The following NHSL1 variants were observed in gnomAD, a reference collection of about 807,000 sequenced individuals.
The protein encoded by NHSL1 is NHS-like protein 1.
NHSL1 carries 48 observed loss-of-function variants against 95.0 expected under a neutral mutation model. The observed-to-expected ratio is 0.51, with a 90% CI of 0.40 to 0.64. The LOEUF is 0.64. Among genes scored for constraint, NHSL1 ranks in the 30% least tolerant of loss-of-function variants. The pLI, the probability that NHSL1 is intolerant of heterozygous loss-of-function variation, is 0.00. For synonymous variants in NHSL1, 783 were observed against 833.9 expected (o/e 0.94, Z 1.05); for missense variants, 1,971 against 2,077.7 (o/e 0.95, Z 1.00).
chr6:138,584,442 GCC>G (rs931583532), intron 1 of NHSL1, among the ~76,000 whole-genome samples: 1 of 152,076 alleles, frequency 6.6e-6, no homozygotes, highest in African/African-American at 2.4e-5. Flanking sequence ...CATGTGCACG[GCC>G]AACTCTCCCG....
intron 7 of NHSL1, among the ~76,000 whole-genome samples, chr6:138,426,661 T>C (rs1775283396): frequency 6.6e-6 from 1 of 152,174 alleles, no homozygotes; most frequent in East Asian, 1.9e-4. Context: ...CCATGCTGGC[T>C]GCCCTGGGCT....
intron 1 of NHSL1, among the ~76,000 whole-genome samples, chr6:138,691,329 A>G (rs893934185): frequency 5.3e-5 from 8 of 152,206 alleles, no homozygotes; most frequent in Non-Finnish European, 1.0e-4. Flanking sequence ...CAAAAATGTA[A>G]AACTGCCACG....
intron 1 of NHSL1, among the ~76,000 whole-genome samples, chr6:138,663,936 G>C (rs1785263004): frequency 6.6e-6 from 1 of 152,184 alleles, no homozygotes; most frequent in African/African-American, 2.4e-5. Context: ...CAGATAATGA[G>C]GTTACAAGCA....
At chr6:138,545,677 T>C in exon 1 of NHSL1, 5 of 1,289,114 alleles carry the variant, frequency 3.9e-6, no homozygotes, top group Non-Finnish European at 5.1e-6. Context: ...CTCTGTGGTC[T>C]GATGAAGCCT....
At chr6:138,469,790 AT>A (rs572314387) in intron 3 of NHSL1, among the ~76,000 whole-genome samples, 46 of 152,196 alleles carry the variant, frequency 3.0e-4, no homozygotes, top group Non-Finnish European at 6.3e-4. Context: ...GAGTGCTGCA[AT>A]TAATCGAATC....
At chr6:138,532,180 G>A (rs1307469414) in intron 1 of NHSL1, among the ~76,000 whole-genome samples, 2 of 152,214 alleles carry the variant, frequency 1.3e-5, no homozygotes, top group Non-Finnish European at 2.9e-5. Flanking sequence ...ACGTGCCAAG[G>A]AAGGTGAACA....
intron 1 of NHSL1, among the ~76,000 whole-genome samples, chr6:138,537,579 A>G (rs529550689): frequency 8.7e-6 from 1 of 114,312 alleles, no homozygotes; most frequent in East Asian, 3.0e-4. Context: ...AAATACCAGC[A>G]TCTTATGTAA....
chr6:138,515,309 G>A (rs1447047697), intron 1 of NHSL1, among the ~76,000 whole-genome samples: 1 of 152,170 alleles, frequency 6.6e-6, no homozygotes, highest in Non-Finnish European at 1.5e-5. Flanking sequence ...TTTAACTGGA[G>A]ACAAAAGTTC....
Position 138,432,098 on chromosome 6 carries a change from A to T in NHSL1, c.2247T>A (p.Thr749=), listed in dbSNP as rs1775725536. The T allele has an allele frequency of 1.3e-6, 2 of 1,551,430 alleles. No homozygotes were observed. The highest frequency in any genetic ancestry group is 2.4e-5 in the South Asian group (2 of 84,064). Residue 749 remains threonine, a synonymous_variant, in exon 6 of 8, where the codon ACT becomes ACA. Coordinates refer to ENST00000343505, the MANE Select transcript of NHSL1 (RefSeq NM_001144060.2). This position sits in a 1 kb window ranked among gnomAD's most constrained non-coding sequence, Gnocchi z 4.4. The part of the protein sequence containing the change: ...QSTVSAGSSM[T]SATTPNVYSL... ...AGTAGACATTGGGGGTGGTGGCGGA[A>T]GTCATGCTGCTGCCAGCACTAACTG...
intron 1 of NHSL1, among the ~76,000 whole-genome samples, chr6:138,516,723 C>T (rs1303716465): frequency 2.0e-5 from 3 of 152,130 alleles, no homozygotes; most frequent in African/African-American, 7.2e-5. Context: ...CAACCCCTAC[C>T]TCCTGGGCTC....
intron 2 of NHSL1, among the ~76,000 whole-genome samples, chr6:138,488,271 C>T (rs906341626): frequency 6.8e-6 from 1 of 147,958 alleles, no homozygotes; most frequent in African/African-American, 2.6e-5. Flanking sequence ...GAGCAAGACT[C>T]TGTCTCAAAA....
intron 5 of NHSL1, chr6:138,435,283 T>C (rs930890759): frequency 4.5e-5 from 7 of 154,790 alleles, no homozygotes; most frequent in Non-Finnish European, 7.3e-5. Context: ...TGTTTGGAGT[T>C]GAACTCATAT....
At chr6:138,501,268 C>T (rs1390674637), upstream of NHSL1, among the ~76,000 whole-genome samples, 1 of 152,172 alleles carries the variant, frequency 6.6e-6, no homozygotes, top group Non-Finnish European at 1.5e-5. Flanking sequence ...GGCACCGATG[C>T]TAACTGCTAC....
intron 1 of NHSL1, among the ~76,000 whole-genome samples, chr6:138,581,489 C>T (rs773104192): frequency 2.0e-4 from 30 of 151,842 alleles, no homozygotes; most frequent in South Asian, 4.2e-4. Flanking sequence ...GTCAGAAGTT[C>T]GAGACCAGCC....
At chr6:138,656,509 A>G (rs1369730432) in intron 1 of NHSL1, among the ~76,000 whole-genome samples, 4 of 152,214 alleles carry the variant, frequency 2.6e-5, no homozygotes, top group Non-Finnish European at 4.4e-5. Flanking sequence ...GCAGAAGATC[A>G]GCACCTGTGA....
At chr6:138,668,548 TTATC>T (rs2114752935) in intron 1 of NHSL1, among the ~76,000 whole-genome samples, 1 of 152,210 alleles carries the variant, frequency 6.6e-6, no homozygotes, top group African/African-American at 2.4e-5. Context: ...TATGCAATTA[TTATC>T]TGTCAATTAA....
At chr6:138,523,093 A>G (rs1039010799) in intron 1 of NHSL1, among the ~76,000 whole-genome samples, 1 of 150,426 alleles carries the variant, frequency 6.6e-6, no homozygotes, top group African/African-American at 2.5e-5. Context: ...GGCTTGGTGC[A>G]GATTCCAGAA....
At chr6:138,477,430 T>G (rs758579644) in intron 2 of NHSL1, among the ~76,000 whole-genome samples, 4 of 152,160 alleles carry the variant, frequency 2.6e-5, no homozygotes, top group Non-Finnish European at 5.9e-5. Flanking sequence ...TGAGACCGCA[T>G]TTCTAGAAAA....
In NHSL1 at chr6:138,423,903, G is replaced by T; in HGVS notation, c.*178C>A. The T allele has an allele frequency of 2.2e-6, 1 of 463,478 alleles. No homozygotes were observed. Among genetic ancestry groups the T allele is most frequent in the Non-Finnish European group, 3.5e-6 (1 of 287,912 alleles). The allele number at this position is 463,478 out of a possible 1,614,324, so 28.7% of individuals were successfully genotyped here. A position where few individuals can be genotyped will look rare whatever the true frequency, so the allele number is the denominator to read the frequency against. ...CTTGTTCTTAAGCCACAGGGCAAGT[G>T]CCAGGTGAGTCCTAAATAACCGTTC... On this transcript the variant is annotated 3_prime_UTR_variant, in exon 8 of 8. Coordinates refer to ENST00000343505, the MANE Select transcript of NHSL1 (RefSeq NM_001144060.2).
Sources: gnomAD v4.1 joint callset for allele counts (sites outside exome capture counted in the v4.1 genomes callset) on GRCh38, gnomAD v4.1.1 for gene constraint, Gnocchi (gnomAD v3.1) non-coding constraint, MANE v1.5 for transcripts, NCBI Gene and HGNC (gene_info 2026-07-23, HGNC 2026-07-21) for gene names.